Variants in SVEP1 observed in about 807,000 individuals in gnomAD.
SVEP1 encodes sushi, von Willebrand factor type A, EGF and pentraxin domain-containing protein 1.
In SVEP1, 164 loss-of-function variants were observed where a neutral mutation model predicts 367.3. The ratio of observed to expected loss-of-function variants is 0.45; its 90% CI spans 0.39 to 0.51. SVEP1 has a LOEUF of 0.51. Ranked by LOEUF, SVEP1 falls within the 20% of genes least tolerant of loss-of-function variation. The pLI is 0.00. For missense variants in SVEP1, 4,117 were observed against 4,425.3 expected, an observed-to-expected ratio of 0.93 and a Z score of 1.98; for synonymous variants, 1,666 against 1,611.6, an observed-to-expected ratio of 1.03 and a Z score of -0.81.
intron 20 of SVEP1, 110 bp downstream of exon 20, chr9:110,458,361 T>C (rs1828808518): frequency 8.1e-6 from 7 of 863,392 alleles, no homozygotes; most frequent in Non-Finnish European, 1.3e-5. Context: ...TTCATACATC[T>C]TGATTACTTA....
intron 40 of SVEP1, among the ~76,000 whole-genome samples, chr9:110,393,371 C>T (rs564371218): frequency 2.6e-4 from 39 of 152,218 alleles, no homozygotes; most frequent in African/African-American, 7.5e-4. Flanking sequence ...ATGAGACATG[C>T]AAAACATTTA....
chr9:110,378,781 G>C (rs190130985), intron 44 of SVEP1, among the ~76,000 whole-genome samples: 119 of 150,080 alleles, frequency 7.9e-4, no homozygotes, highest in African/African-American at 2.8e-3. Context: ...GGAGGGCGGA[G>C]GGATAGCATT....
At position 110,579,537 on chromosome 9, in the gene SVEP1, G is replaced by A; in HGVS notation, c.7C>T (p.Pro3Ser). 1 of 1,596,752 alleles carries A rather than the reference G, an allele frequency of 6.3e-7. No homozygotes were observed. The highest frequency in any genetic ancestry group is 8.5e-7 in the Non-Finnish European group (1 of 1,173,520). Residue 3 changes from proline to serine, a missense_variant, in exon 1 of 48, where the codon CCT becomes TCT. By Grantham distance (74) the Pro-to-Ser change is moderately conservative (BLOSUM62 -1). This residue lies in a region of SVEP1 where 17 missense variants were observed against 27.5 expected (regional missense o/e 0.62). Coordinates refer to ENST00000374469, the MANE Select transcript of SVEP1 (RefSeq NM_153366.4). The surrounding 1 kb of genome is among the most constrained non-coding windows in gnomAD (Gnocchi z 5.3). The stretch of plus-strand genomic sequence containing the variant: ...CCCCAGCAACAAAAGGCCAGGCGAG[G>A]CCACATCGCGCTGGAGACAGAGCGG... MW[P>S]RLAFCCWGLA...
At chr9:110,375,750 G>T (rs1433381377) in intron 45 of SVEP1, among the ~76,000 whole-genome samples, 1 of 149,018 alleles carries the variant, frequency 6.7e-6, no homozygotes, top group East Asian at 1.9e-4. Context: ...AAAGTGCTTT[G>T]CTTTAACTCT....
In SVEP1 at chr9:110,537,607, G is replaced by A. The variant is rs545124951; in HGVS notation, c.964+8508C>T. Among the ~76,000 whole-genome samples the A allele has an allele frequency of 2.0e-5, 3 of 152,012 alleles. No homozygotes were observed. In the South Asian group the frequency reaches 6.2e-4, roughly 32 times the overall value. ...ATTATGTAGTGGAAGTAGAATAGAA[G>A]AGGACTAAGAAAATAAGAAGCCAGC... On this transcript the variant is annotated intron_variant, in intron 3 of 47. Coordinates refer to ENST00000374469, the MANE Select transcript of SVEP1 (RefSeq NM_153366.4).
At position 110,429,345 on chromosome 9, in the gene SVEP1, T is replaced by A. The variant is rs1217097697; in HGVS notation, c.5616-11A>T. On this transcript the variant is annotated splice_polypyrimidine_tract_variant and intron_variant, in intron 34 of 47. Transcript: ENST00000374469. Reference sequence around the variant, plus strand: ...TATCCTTTATTACACCTAAAGAAGATAGAGGAAAATTACAGGATATAATTT... The same window carrying A: ...TATCCTTTATTACACCTAAAGAAGAAAGAGGAAAATTACAGGATATAATTT... The A allele has an allele frequency of 6.7e-7, 1 of 1,498,208 alleles. No individual in the cohort carries two copies. Among genetic ancestry groups the A allele is most frequent in the South Asian group, 1.4e-5 (1 of 70,866 alleles). 92.8% of individuals were successfully genotyped at this position (1,498,208 alleles called of 1,614,324 possible). A position where few individuals can be genotyped will look rare whatever the true frequency, so the allele number is the denominator to read the frequency against.
chr9:110,495,122 T>C (rs996217617), intron 8 of SVEP1, among the ~76,000 whole-genome samples: 1 of 152,326 alleles, frequency 6.6e-6, no homozygotes, highest in African/African-American at 2.4e-5. Flanking sequence ...CACAATGAAT[T>C]GCCCCCTCTT....
intron 11 of SVEP1, 37 bp from the exon 12 acceptor site, chr9:110,481,473 T>C: frequency 7.4e-7 from 1 of 1,353,278 alleles, no homozygotes; most frequent in Non-Finnish European, 9.7e-7. Context: ...TATATAGTGG[T>C]ACAAGAAGCA....
intron 24 of SVEP1, among the ~76,000 whole-genome samples, chr9:110,448,655 G>A (rs868662028): frequency 2.6e-5 from 4 of 152,170 alleles, no homozygotes; most frequent in African/African-American, 4.8e-5. Context: ...AATTGGGAGC[G>A]TGTACCTTCA....
At chr9:110,571,219 T>C (rs887623399) in intron 1 of SVEP1, among the ~76,000 whole-genome samples, 6 of 152,134 alleles carry the variant, frequency 3.9e-5, no homozygotes, top group Non-Finnish European at 7.4e-5. Context: ...TCCACCTGCC[T>C]CAGCCTCCCA....
intron 3 of SVEP1, among the ~76,000 whole-genome samples, chr9:110,538,899 T>C (rs940581690): frequency 9.9e-5 from 15 of 152,114 alleles, no homozygotes; most frequent in Non-Finnish European, 1.9e-4. Context: ...TTAAAATGAC[T>C]AATCTAGGAT....
intron 44 of SVEP1, among the ~76,000 whole-genome samples, chr9:110,378,672 CCA>C (rs369609935): frequency 0.091 from 13,651 of 149,210 alleles, 800 homozygotes; most frequent in Middle Eastern, 0.13. Context: ...AAGTCCTTGC[CCA>C]TGCCTAAGTC....
chr9:110,411,019 C>A, intron 37 of SVEP1, 44 bp downstream of exon 37: 1 of 1,484,332 alleles, frequency 6.7e-7, no homozygotes, highest in South Asian at 1.4e-5. Context: ...TTATTATGGG[C>A]CCTGTGACAA....
rs1197887726 is a variant in SVEP1 at position 110,503,049 on chromosome 9, G to A, written c.1472C>T (p.Pro491Leu). ...TTCTAGAAACTTACCCACACACCGG[G>A]GTTCTGGCCCATCCCACTGGCTGTT... is the stretch of plus-strand genomic sequence containing the variant. Reference protein sequence around the residue: ...QGNSQWDGPEPRCVERHCSTF... With the variant: ...QGNSQWDGPELRCVERHCSTF... Residue 491 changes from proline to leucine, a missense_variant, in exon 6 of 48, where the codon CCC (proline) becomes CTC (leucine). Physicochemically the swap from Pro to Leu is moderately conservative, Grantham distance 98. This residue lies in a region of SVEP1 where 2,174 missense variants were observed against 2,494.3 expected (regional missense o/e 0.87). Coordinates refer to ENST00000374469, the MANE Select transcript of SVEP1 (RefSeq NM_153366.4). 3.7e-6 allele frequency: 6 copies of A among 1,604,030 alleles called. No individual in the cohort carries two copies. The highest frequency in any genetic ancestry group is 5.1e-6 in the Non-Finnish European group (6 of 1,173,314).
chr9:110,417,056 A>T (rs546694482), intron 36 of SVEP1, among the ~76,000 whole-genome samples: 6 of 152,192 alleles, frequency 3.9e-5, no homozygotes, highest in Admixed American at 1.3e-4. Context: ...CATTAGAATC[A>T]TAAGGCAACG....
At chr9:110,433,108 T>C (rs1220997138) in intron 30 of SVEP1, among the ~76,000 whole-genome samples, 2 of 152,192 alleles carry the variant, frequency 1.3e-5, no homozygotes, top group Non-Finnish European at 2.9e-5. Context: ...TGATGCCTTC[T>C]GCCATGAGTA....
chr9:110,370,954 A>G (rs1161763192), intron 46 of SVEP1, among the ~76,000 whole-genome samples: 1 of 152,228 alleles, frequency 6.6e-6, no homozygotes, highest in African/African-American at 2.4e-5. Flanking sequence ...TTGGTGAATT[A>G]TAAGTAAATG....
chr9:110,474,498 C>G (rs1252472446), intron 14 of SVEP1, among the ~76,000 whole-genome samples: 1 of 152,092 alleles, frequency 6.6e-6, no homozygotes, highest in South Asian at 2.1e-4. Flanking sequence ...GCCACCTGCC[C>G]ATGCTTTTTT....
At chr9:110,375,516 T>C (rs1319818163) in intron 45 of SVEP1, 53 bp from the exon 46 acceptor site, 4 of 1,446,062 alleles carry the variant, frequency 2.8e-6, no homozygotes, top group Non-Finnish European at 3.7e-6. Flanking sequence ...TGAAATGGCG[T>C]TGATCAAAGT....
Sources: allele counts gnomAD v4.1 joint callset (sites outside exome capture counted in the v4.1 genomes callset), GRCh38; gene constraint gnomAD v4.1.1; regional missense constraint gnomAD v4.1.1; non-coding constraint Gnocchi (gnomAD v3.1); transcripts MANE v1.5; gene names NCBI Gene and HGNC (gene_info 2026-07-23, HGNC 2026-07-21).